The following PSMB7 variants were observed in gnomAD, a reference collection of about 807,000 sequenced individuals.
PSMB7 encodes proteasome 20S subunit beta 7.
PSMB7 carries 5 observed loss-of-function variants against 28.1 expected under a neutral mutation model. The ratio of observed to expected loss-of-function variants is 0.18; its 90% CI spans 0.09 to 0.37. The LOEUF (loss-of-function observed/expected upper bound fraction) is 0.37, where lower values mean the gene tolerates loss of function less well. Ranked by LOEUF, PSMB7 falls within the 10% of genes least tolerant of loss-of-function variation. PSMB7 has a pLI of 1.00. For synonymous variants in PSMB7, 122 were observed against 123.7 expected, an observed-to-expected ratio of 0.99 and a Z score of 0.09; for missense variants, 275 against 346.2, an observed-to-expected ratio of 0.79 and a Z score of 1.63.
At chr9:124,376,035 C>A (rs1051574029) in intron 6 of PSMB7, among the ~76,000 whole-genome samples, 1 of 152,098 alleles carries the variant, frequency 6.6e-6, no homozygotes, top group Non-Finnish European at 1.5e-5. Context: ...AGCTCAGAGT[C>A]GCACAGATGC....
intron 6 of PSMB7, among the ~76,000 whole-genome samples, chr9:124,360,423 T>TAG (rs1261798155): frequency 6.6e-6 from 1 of 152,202 alleles, no homozygotes; most frequent in African/African-American, 2.4e-5. Flanking sequence ...AGAGGGGCCT[T>TAG]GATAAGGGCT....
At chr9:124,395,322 C>T (rs755255845) in intron 5 of PSMB7, among the ~76,000 whole-genome samples, 4 of 150,448 alleles carry the variant, frequency 2.7e-5, no homozygotes, top group Non-Finnish European at 5.9e-5. Flanking sequence ...CCGTCTCTAC[C>T]AAAAAAAGAA....
chr9:124,356,258 G>A lies in PSMB7; in HGVS notation c.722+506C>T, dbSNP rs751401137. Reference sequence around the variant, plus strand: ...TGAGTCTGCGCTGCACCACTGAGCCGAGGGGCCCACTCGGCATGTAGGCTC... The same window carrying A: ...TGAGTCTGCGCTGCACCACTGAGCCAAGGGGCCCACTCGGCATGTAGGCTC... On this transcript the variant is annotated intron_variant, in intron 7 of 7. Transcript: ENST00000259457. This position sits in a 1 kb window ranked among gnomAD's most constrained non-coding sequence, Gnocchi z 4.4. Among the ~76,000 whole-genome samples, 5 of 152,286 alleles carry A rather than the reference G, an allele frequency of 3.3e-5. No individual in the cohort carries two copies. Among genetic ancestry groups the A allele is most frequent in the South Asian group, 2.1e-4 (1 of 4,826 alleles).
intron 6 of PSMB7, among the ~76,000 whole-genome samples, chr9:124,361,045 A>T (rs1324321812): frequency 6.6e-6 from 1 of 152,190 alleles, no homozygotes; most frequent in Non-Finnish European, 1.5e-5. Flanking sequence ...AAATCTTCAC[A>T]CAGTGCCACA....
chr9:124,390,368 A>C (rs910489758), intron 5 of PSMB7, among the ~76,000 whole-genome samples: 12 of 152,238 alleles, frequency 7.9e-5, no homozygotes, highest in African/African-American at 2.4e-4. Flanking sequence ...AAACACATGG[A>C]CAAGTACCCA....
chr9:124,363,655 C>T (rs1830483119), intron 6 of PSMB7, among the ~76,000 whole-genome samples: 1 of 152,200 alleles, frequency 6.6e-6, no homozygotes, highest in Non-Finnish European at 1.5e-5. Context: ...GAGCCAGTGA[C>T]TGCATCTTTA....
chr9:124,396,617 T>G, intron 5 of PSMB7: 2 of 370,170 alleles, frequency 5.4e-6, no homozygotes. Flanking sequence ...TAATGGTGCA[T>G]AGCAATGTTT....
intron 4 of PSMB7, among the ~76,000 whole-genome samples, chr9:124,405,939 G>C (rs1830958233): frequency 6.6e-6 from 1 of 152,002 alleles, no homozygotes; most frequent in African/African-American, 2.4e-5. Flanking sequence ...TCCCACCTTG[G>C]CCTCCCAAAG....
chr9:124,356,735 C>G lies in PSMB7; in HGVS notation c.722+29G>C. On this transcript the variant is annotated intron_variant, in intron 7 of 7. Transcript: ENST00000259457. The surrounding 1 kb of genome is among the most constrained non-coding windows in gnomAD (Gnocchi z 4.4). ...AAGGGTGGCCACGACGCCAGGGGAC[C>G]CAGGAAGAACTTCGTCTCCTTCACT... The G allele has an allele frequency of 6.3e-7, 1 of 1,597,566 alleles. No homozygotes were observed. The highest frequency in any genetic ancestry group is 8.6e-7 in the Non-Finnish European group (1 of 1,168,184).
At chr9:124,405,144 T>C (rs1166610651) in intron 5 of PSMB7, among the ~76,000 whole-genome samples, 173 bp downstream of exon 5, 1 of 152,328 alleles carries the variant, frequency 6.6e-6, no homozygotes, top group African/African-American at 2.4e-5. Context: ...GACTGCTATA[T>C]AGCAAGCACC....
chr9:124,364,662 G>C (rs549177196), intron 6 of PSMB7, among the ~76,000 whole-genome samples: 1 of 152,118 alleles, frequency 6.6e-6, no homozygotes, highest in South Asian at 2.1e-4. Flanking sequence ...AAAACAACGC[G>C]GCCCGTGATA....
intron 6 of PSMB7, among the ~76,000 whole-genome samples, chr9:124,371,873 C>T (rs1830566722): frequency 6.6e-6 from 1 of 152,306 alleles, no homozygotes; most frequent in Admixed American, 6.5e-5. Context: ...GTCACAAGAC[C>T]AGAAGTTTTT....
Position 124,356,616 on chromosome 9 carries a change from C to CAAGTAA in PSMB7, c.722+147_722+148insTTACTT. 1.1e-6 allele frequency: 1 copy of CAAGTAA among 887,196 alleles called. No individual in the cohort carries two copies. Among genetic ancestry groups the CAAGTAA allele is most frequent in the Non-Finnish European group, 1.7e-6 (1 of 594,952 alleles). 55.0% of individuals were successfully genotyped at this position (887,196 alleles called of 1,614,324 possible). On this transcript the variant is annotated intron_variant, in intron 7 of 7. Transcript: ENST00000259457. This position sits in a 1 kb window ranked among gnomAD's most constrained non-coding sequence, Gnocchi z 4.4. ...CCACTGTCATAAAGCAAGTAACAAG[C>CAAGTAA]CGAAGGTCTGTGTGGGAGGTTGATT...
chr9:124,368,462 C>T (rs1397006275), intron 6 of PSMB7, among the ~76,000 whole-genome samples: 1 of 152,216 alleles, frequency 6.6e-6, no homozygotes, highest in Non-Finnish European at 1.5e-5. Context: ...AATTCCTCTA[C>T]TACAGAATCT....
chr9:124,374,064 A>G (rs1830586702), intron 6 of PSMB7, among the ~76,000 whole-genome samples: 1 of 152,266 alleles, frequency 6.6e-6, no homozygotes, highest in Non-Finnish European at 1.5e-5. Flanking sequence ...TGACCATCAA[A>G]AAGAAATAAA....
chr9:124,415,014 G>C (rs530625538), intron 1 of PSMB7, 79 bp from the exon 2 acceptor site: 32 of 936,848 alleles, frequency 3.4e-5, no homozygotes, highest in Non-Finnish European at 4.9e-5. Context: ...GCCTAACAGA[G>C]AACTCAGGAA....
intron 6 of PSMB7, among the ~76,000 whole-genome samples, chr9:124,375,192 C>T (rs753796714): frequency 7.9e-5 from 12 of 152,134 alleles, no homozygotes; most frequent in Non-Finnish European, 1.3e-4. Flanking sequence ...GAGACAGGGT[C>T]TCACTCTGTC....
At chr9:124,371,032 C>T (rs966472439) in intron 6 of PSMB7, among the ~76,000 whole-genome samples, 1 of 152,156 alleles carries the variant, frequency 6.6e-6, no homozygotes, top group East Asian at 1.9e-4. Flanking sequence ...GCACACCACA[C>T]AAGTACAATA....
chr9:124,405,428 G>T lies in PSMB7; in HGVS notation c.400C>A (p.Gln134Lys). 6.3e-7 allele frequency: 1 copy of T among 1,594,490 alleles called. No homozygotes were observed. Among genetic ancestry groups the T allele is most frequent in the Non-Finnish European group, 8.6e-7 (1 of 1,162,288 alleles). The change falls in exon 5 of 8, where the codon CAA becomes AAA. Residue 134 changes from glutamine (Q) to lysine (K), a missense_variant. Gln to Lys is a moderately conservative substitution (Grantham distance 53). Around this residue, in one of 2 missense-constraint regions of PSMB7, gnomAD observed 213 missense variants for 302.4 expected, o/e 0.70. Coordinates refer to ENST00000259457, the MANE Select transcript of PSMB7 (RefSeq NM_002799.4). ...ACTAGGGCTGCACCAATGTAACCTT[G>T]ATACCTGGTGATCAGAGTATGCATA... Reference protein sequence around the residue: ...RMLKQMLFRYQGYIGAALVLG... With the variant: ...RMLKQMLFRYKGYIGAALVLG...
Sources: gnomAD v4.1 joint callset for allele counts (sites outside exome capture counted in the v4.1 genomes callset) on GRCh38, gnomAD v4.1.1 for gene constraint, gnomAD v4.1.1 regional missense constraint, Gnocchi (gnomAD v3.1) non-coding constraint, MANE v1.5 for transcripts, NCBI Gene and HGNC (gene_info 2026-07-23, HGNC 2026-07-21) for gene names.